The following CETP variants were observed in gnomAD, a reference collection of about 807,000 sequenced individuals.
The protein encoded by CETP is BPI fold containing family F.
In CETP, 56 loss-of-function variants were observed where a neutral mutation model predicts 66.5. That is an observed-to-expected ratio of 0.84 (90% CI 0.68 to 1.05). The LOEUF is 1.05. Ranked by LOEUF, CETP falls within the 50% of genes least tolerant of loss-of-function variation. The pLI is 0.00. For missense variants in CETP, 612 were observed against 609.6 expected, an observed-to-expected ratio of 1.00 and a Z score of -0.04; for synonymous variants, 251 against 245.7, an observed-to-expected ratio of 1.02 and a Z score of -0.20.
chr16:56,966,902 A>G (rs1043671559), intron 2 of CETP, among the ~76,000 whole-genome samples: 13 of 151,356 alleles, frequency 8.6e-5, no homozygotes, highest in East Asian at 3.9e-4. Context: ...GGCGTGAGCC[A>G]CGGCCTGGCC....
At chr16:56,970,149 AC>A (rs2056099801) in intron 5 of CETP, 148 bp downstream of exon 5, 2 of 721,966 alleles carry the variant, frequency 2.8e-6, no homozygotes, top group Non-Finnish European at 4.9e-6. Flanking sequence ...GTCACTTCCT[AC>A]CCCCTCCCAT....
intron 12 of CETP, among the ~76,000 whole-genome samples, 196 bp downstream of exon 12, chr16:56,981,421 GGGC>G (rs2056186790): frequency 4.3e-5 from 2 of 47,014 alleles, no homozygotes; most frequent in Non-Finnish European, 1.3e-4. Context: ...GAAGAATGGA[GGGC>G]TGCCAGGAAG....
Position 56,967,672 on chromosome 16 carries a change from C to A in CETP, c.234-1714C>A, listed in dbSNP as rs12708969. On this transcript the variant is annotated intron_variant, in intron 2 of 15. Coordinates refer to ENST00000200676, the MANE Select transcript of CETP (RefSeq NM_000078.3). ...TCAGTCTCAAAAAAAAAAAAAAAAACAATGGTATGAGCTTTAAATTTCTGT... is the reference window on the plus strand; with the variant it reads ...TCAGTCTCAAAAAAAAAAAAAAAAAAAATGGTATGAGCTTTAAATTTCTGT... Among the ~76,000 whole-genome samples the A allele has an allele frequency of 8.6e-3, 555 of 64,300 alleles. 16 individuals are homozygous for A. Among genetic ancestry groups the A allele is most frequent in the Non-Finnish European group, 0.013 (284 of 21,708 alleles). The allele number at this position is 64,300 out of a possible 152,430, so 42.2% of individuals were successfully genotyped here.
rs1436663930 is a variant in CETP, at chr16:56,969,834, G to C, written c.440-80G>C. On this transcript the variant is annotated intron_variant, in intron 4 of 15. Coordinates refer to ENST00000200676, the MANE Select transcript of CETP (RefSeq NM_000078.3). Reference sequence around the variant, plus strand: ...GGGTGGGGACCCCAGAGCTGGCCAAGCTCTTGACTGGCCTGGGCAGCATGT... The same window carrying C: ...GGGTGGGGACCCCAGAGCTGGCCAACCTCTTGACTGGCCTGGGCAGCATGT... 12 of 1,558,606 alleles carry C rather than the reference G, an allele frequency of 7.7e-6. No homozygotes were observed. The African/African-American group carries it at 1.4e-4, about 18-fold the overall frequency.
intron 10 of CETP, among the ~76,000 whole-genome samples, chr16:56,975,873 C>T (rs2056146563): frequency 6.6e-6 from 1 of 152,182 alleles, no homozygotes; most frequent in Non-Finnish European, 1.5e-5. Context: ...GAGCCACCAA[C>T]AGAACTTCCC....
chr16:56,968,433 C>T (rs1434354439), intron 2 of CETP, among the ~76,000 whole-genome samples: 1 of 152,148 alleles, frequency 6.6e-6, no homozygotes, highest in African/African-American at 2.4e-5. Flanking sequence ...GTGATCTGCC[C>T]TCCTCGGCCT....
intron 1 of CETP, chr16:56,962,475 A>G: frequency 2.2e-6 from 1 of 461,538 alleles, no homozygotes; most frequent in Non-Finnish European, 4.3e-6. Context: ...TCTATGGCCA[A>G]AGTCAGGGGT....
intron 11 of CETP, 91 bp downstream of exon 11, chr16:56,978,346 C>A: frequency 6.7e-7 from 1 of 1,489,668 alleles, no homozygotes; most frequent in Non-Finnish European, 9.3e-7. Context: ...CTGAAGCCTC[C>A]AGATCCTTCT....
chr16:56,978,835 T>A (rs1461629260), intron 11 of CETP, among the ~76,000 whole-genome samples: 1 of 152,084 alleles, frequency 6.6e-6, no homozygotes, highest in Non-Finnish European at 1.5e-5. Flanking sequence ...TTTACTTATT[T>A]ATTTTTTTGA....
chr16:56,969,510 A>T lies in CETP; in HGVS notation c.358A>T (p.Thr120Ser). 2 of 1,614,180 alleles carry T rather than the reference A, an allele frequency of 1.2e-6. No individual in the cohort carries two copies. The highest frequency in any genetic ancestry group is 2.2e-5 in the South Asian group (2 of 91,080). Residue 120 changes from threonine (T) to serine (S), a missense_variant, in exon 3 of 16, where the codon ACT becomes TCT. Transcript: ENST00000200676. ...FKGTLKYGYT[T>S]AWWLGIDQSI... ...GGGGACCCTGAAGTATGGCTACACC[A>T]CTGCCTGGTGGTAAGCATTCCTGTC...
Position 56,973,038 on chromosome 16 carries a change from G to A in CETP, c.751-293G>A, listed in dbSNP as rs146782017. 9.7e-3 allele frequency among the ~76,000 whole-genome samples: 1,484 copies of A among 152,306 alleles called. 12 individuals are homozygous for A. The highest frequency in any genetic ancestry group is 0.018 in the South Asian group (89 of 4,824). ...CAGCTGGGGCGGGGTGGGAGCTGGA[G>A]GTCCGTGGTCACCAGCTGCCCTGAC... On this transcript the variant is annotated intron_variant, in intron 8 of 15. Coordinates refer to ENST00000200676, the MANE Select transcript of CETP (RefSeq NM_000078.3).
chr16:56,970,926 A>C, intron 5 of CETP, 107 bp from the exon 6 acceptor site: 1 of 1,017,246 alleles, frequency 9.8e-7, no homozygotes, highest in Non-Finnish European at 1.6e-6. Flanking sequence ...TTCCTGAGCT[A>C]CAAGAGTCAG....
chr16:56,971,889 A>T, intron 7 of CETP, 103 bp from the exon 8 acceptor site: 1 of 982,716 alleles, frequency 1.0e-6, no homozygotes, highest in Admixed American at 1.7e-5. Context: ...ACAGAGGGGA[A>T]CACTGAGGCT....
intron 10 of CETP, 62 bp from the exon 11 acceptor site, chr16:56,978,029 G>T: frequency 6.3e-7 from 1 of 1,591,526 alleles, no homozygotes; most frequent in Non-Finnish European, 8.6e-7. Flanking sequence ...ATCTCCGAGG[G>T]CATGGACTGC....
chr16:56,965,231 A>T (rs1398595103), intron 2 of CETP, among the ~76,000 whole-genome samples: 1 of 152,234 alleles, frequency 6.6e-6, no homozygotes, highest in Non-Finnish European at 1.5e-5. Context: ...CATAGACTAG[A>T]TGTCATAGTC....
chr16:56,962,211 G>C (rs1193943708), intron 1 of CETP, 114 bp downstream of exon 1: 7 of 887,412 alleles, frequency 7.9e-6, no homozygotes, highest in Middle Eastern at 2.1e-4. Context: ...CACTAGCCCA[G>C]AGAGAGGAGT....
chr16:56,983,684 G>C lies in CETP; in HGVS notation c.*18G>C, dbSNP rs760981840. 1.2e-6 allele frequency: 2 copies of C among 1,612,172 alleles called. No individual in the cohort carries two copies. The highest frequency in any genetic ancestry group is 8.5e-7 in the Non-Finnish European group (1 of 1,178,246). ...TGAGCTAGAAGTCTCCAAGGAGGTC[G>C]GGATGGGGCTTGTAGCAGAAGGCAA... On this transcript the variant is annotated 3_prime_UTR_variant, in exon 16 of 16. Transcript: ENST00000200676.
Position 56,973,438 on chromosome 16 carries a change from C to A in CETP, c.858C>A (p.Val286=), listed in dbSNP as rs773646267. Residue 286 remains valine, a synonymous_variant, in exon 9 of 16, where the codon GTC becomes GTA. Transcript: ENST00000200676. ...RMLYFWFSER[V]FHSLAKVAFQ... ...TGTACTTCTGGTTCTCTGAGCGAGTCTTCCACTCGCTGGCCAAGGTAGCTT... is the reference window on the plus strand; with the variant it reads ...TGTACTTCTGGTTCTCTGAGCGAGTATTCCACTCGCTGGCCAAGGTAGCTT... 1.2e-6 allele frequency: 2 copies of A among 1,614,232 alleles called. No individual in the cohort carries two copies. Among genetic ancestry groups the A allele is most frequent in the East Asian group, 4.5e-5 (2 of 44,884 alleles).
Position 56,972,079 on chromosome 16 carries a change from A to G in CETP, c.746A>G (p.His249Arg). 1 of 1,612,694 alleles carries G rather than the reference A, an allele frequency of 6.2e-7. No individual in the cohort carries two copies. Among genetic ancestry groups the G allele is most frequent in the South Asian group, 1.1e-5 (1 of 91,054 alleles). The change falls in exon 8 of 16, where the codon CAC becomes CGC. Residue 249 changes from histidine to arginine, a missense_variant. Coordinates refer to ENST00000200676, the MANE Select transcript of CETP (RefSeq NM_000078.3). ...ACAGCCTCCTACCTGGAGTCCCATC[A>G]CAAGGTAGGAGTTGTGGGAGGGTGG... ...VITASYLESH[H>R]KGHFIYKNVS...
Sources: allele counts gnomAD v4.1 joint callset (sites outside exome capture counted in the v4.1 genomes callset), GRCh38; gene constraint gnomAD v4.1.1; transcripts MANE v1.5; gene names NCBI Gene and HGNC (gene_info 2026-07-23, HGNC 2026-07-21).